MYH16: variants seen among roughly 807,000 people sequenced by gnomAD.
The protein encoded by MYH16 is myosin heavy chain 16, also known as putative uncharacterized protein MYH16.
chr7:99,299,806 G>C (rs1207630533), intron 37 of MYH16, 148 bp downstream of exon 18: 1 of 152,104 alleles, frequency 6.6e-6, no homozygotes, highest in African/African-American at 2.4e-5. Flanking sequence ...CAGGGAACAG[G>C]AGGCTTGGGG....
intron 38 of MYH16, among the ~76,000 whole-genome samples, chr7:99,302,605 G>A (rs1792616707): frequency 6.6e-6 from 1 of 151,968 alleles, no homozygotes; most frequent in Admixed American, 6.6e-5. Context: ...TCCTGGCCAG[G>A]CACAGTGGCT....
chr7:99,295,035 T>A (rs1403574840), intron 33 of MYH16, among the ~76,000 whole-genome samples: 1 of 149,254 alleles, frequency 6.7e-6, no homozygotes, highest in Non-Finnish European at 1.5e-5. Context: ...TGAGACCCTG[T>A]CTCAAATAAA....
chr7:99,275,956 G>A (rs1792105638), intron 20 of MYH16, among the ~76,000 whole-genome samples: 1 of 152,116 alleles, frequency 6.6e-6, no homozygotes. Flanking sequence ...TTGAACTCCT[G>A]ACCTCAGGTG....
downstream of MYH16, among the ~76,000 whole-genome samples, chr7:99,308,090 T>C (rs1182547130): frequency 6.6e-6 from 1 of 151,918 alleles, no homozygotes; most frequent in Non-Finnish European, 1.5e-5. Context: ...GGCATCCTCA[T>C]ACTTTGCCTC....
chr7:99,295,435 A>G (rs1456483849), intron 33 of MYH16, among the ~76,000 whole-genome samples: 2 of 152,028 alleles, frequency 1.3e-5, no homozygotes, highest in African/African-American at 4.8e-5. Flanking sequence ...TCTCTCTTAC[A>G]CAAACTACAT....
At chr7:99,250,665 C>A (rs1444370712) in intron 5 of MYH16, among the ~76,000 whole-genome samples, 2 of 152,122 alleles carry the variant, frequency 1.3e-5, no homozygotes, top group Non-Finnish European at 2.9e-5. Flanking sequence ...TCACCTGAGC[C>A]CAGGAGTTGG....
rs1554336603 is a variant in MYH16 at position 99,259,849 on chromosome 7, G to GTGTATA, written n.1405-314_1405-313insGTATAT. The stretch of plus-strand genomic sequence containing the variant: ...ATATTATATATATATGTATGTATGT[G>GTGTATA]TATATATATATATATATATTTCTGT... On this transcript the variant is annotated intron_variant and non_coding_transcript_variant, in intron 11 of 41. Coordinates refer to ENST00000439784, the Ensembl canonical transcript of MYH16. Among the ~76,000 whole-genome samples the GTGTATA allele has an allele frequency of 2.3e-3, 332 of 145,040 alleles. 3 individuals carry two copies. Among genetic ancestry groups the GTGTATA allele is most frequent in the African/African-American group, 7.5e-3 (297 of 39,594 alleles).
chr7:99,282,271 C>T (rs957334820), intron 23 of MYH16, among the ~76,000 whole-genome samples: 1 of 152,184 alleles, frequency 6.6e-6, no homozygotes, highest in Non-Finnish European at 1.5e-5. Flanking sequence ...AGTGATCCTC[C>T]CACCTGAGCC....
intron 13 of MYH16, among the ~76,000 whole-genome samples, chr7:99,262,965 A>G (rs1167876636): frequency 6.6e-6 from 1 of 152,168 alleles, no homozygotes; most frequent in African/African-American, 2.4e-5. Context: ...GCAGAAGAAG[A>G]CCCAAGGGTC....
intron 18 of MYH16, among the ~76,000 whole-genome samples, chr7:99,270,769 A>C (rs547880985): frequency 6.6e-6 from 1 of 152,232 alleles, no homozygotes; most frequent in East Asian, 1.9e-4. Flanking sequence ...CTGTAGTCTC[A>C]GCTACTTGGG....
downstream of MYH16, among the ~76,000 whole-genome samples, chr7:99,308,141 C>A (rs1209468153): frequency 6.6e-6 from 1 of 151,608 alleles, no homozygotes; most frequent in Non-Finnish European, 1.5e-5. Flanking sequence ...ACTAAAAATA[C>A]AAAATTAGCC....
At chr7:99,270,349 T>C (rs905253807) in intron 18 of MYH16, among the ~76,000 whole-genome samples, 168 of 149,826 alleles carry the variant, frequency 1.1e-3, no homozygotes, top group African/African-American at 3.8e-3. Context: ...TTTGAGACTG[T>C]CTTGCTCTGT....
At chr7:99,287,822 G>A (rs2150825055) in intron 28 of MYH16, 70 bp from the exon 10 acceptor site, 2 of 423,296 alleles carry the variant, frequency 4.7e-6, no homozygotes, top group South Asian at 3.3e-5. Context: ...CCACCGAGCA[G>A]CTGGGCGGTG....
intron 2 of MYH16, among the ~76,000 whole-genome samples, chr7:99,247,352 T>G (rs1791745947): frequency 6.6e-6 from 1 of 152,162 alleles, no homozygotes; most frequent in Non-Finnish European, 1.5e-5. Flanking sequence ...GTTTCGTCCT[T>G]TTGGTAGAGA....
chr7:99,287,805 CAG>C, intron 28 of MYH16, 85 bp from the exon 10 acceptor site: 7 of 401,856 alleles, frequency 1.7e-5, no homozygotes, highest in South Asian at 1.2e-4. Context: ...ACAGGAATAT[CAG>C]GGGACCACCG....
chr7:99,276,889 CAG>C (rs953112316), intron 20 of MYH16, among the ~76,000 whole-genome samples: 59 of 150,700 alleles, frequency 3.9e-4, no homozygotes, highest in South Asian at 6.4e-4. Flanking sequence ...GAGAGACAGG[CAG>C]AGAGAGAGAC....
At chr7:99,257,162 G>A (rs185585218) in intron 9 of MYH16, 4 of 152,476 alleles carry the variant, frequency 2.6e-5, no homozygotes, top group African/African-American at 7.2e-5. Context: ...AACTCTCCCT[G>A]TTCAGGGGGT....
At chr7:99,245,357 GAAGGGTTTA>G (rs1350734216) in intron 2 of MYH16, among the ~76,000 whole-genome samples, 1 of 152,202 alleles carries the variant, frequency 6.6e-6, no homozygotes, top group Non-Finnish European at 1.5e-5. Context: ...GTTCAAAATG[GAAGGGTTTA>G]AAGTTGAACT....
intron 17 of MYH16, among the ~76,000 whole-genome samples, chr7:99,266,372 T>C (rs1270187248): frequency 6.6e-6 from 1 of 152,076 alleles, no homozygotes; most frequent in African/African-American, 2.4e-5. Flanking sequence ...ACCCCCACCT[T>C]AGAGATGATC....
Sources: gnomAD v4.1 joint callset for allele counts (sites outside exome capture counted in the v4.1 genomes callset) on GRCh38, gnomAD v4.1.1 for gene constraint, MANE v1.5 for transcripts, NCBI Gene and HGNC (gene_info 2026-07-23, HGNC 2026-07-21) for gene names.